The following DNAJC2 variants were observed in gnomAD, a reference collection of about 807,000 sequenced individuals.
DNAJC2 encodes the protein dnaJ homolog subfamily C member 2.
DNAJC2 carries 32 observed loss-of-function variants against 94.0 expected under a neutral mutation model. That is an observed-to-expected ratio of 0.34 (90% CI 0.26 to 0.46). The LOEUF (loss-of-function observed/expected upper bound fraction) is 0.46. Ranked by LOEUF, DNAJC2 falls within the 20% of genes least tolerant of loss-of-function variation. The pLI is 1.00. For missense variants in DNAJC2, 550 were observed against 719.5 expected, an observed-to-expected ratio of 0.76 and a Z score of 2.69; for synonymous variants, 210 against 229.7, an observed-to-expected ratio of 0.91 and a Z score of 0.77.
At chr7:103,342,360 C>T (rs1819404639) in intron 1 of DNAJC2, among the ~76,000 whole-genome samples, 1 of 151,144 alleles carries the variant, frequency 6.6e-6, no homozygotes. Context: ...GGCTGGAATG[C>T]AATGGCGAGA....
chr7:103,330,362 ACTGTAGT>A, intron 3 of DNAJC2, among the ~76,000 whole-genome samples: 1 of 151,692 alleles, frequency 6.6e-6, no homozygotes, highest in Non-Finnish European at 1.5e-5. Context: ...ATCTCAGCTC[ACTGTAGT>A]CTTAACCTCC....
At position 103,344,642 on chromosome 7, in the gene DNAJC2, C is replaced by G. The variant is rs779559655; in HGVS notation, c.-20G>C. On this transcript the variant is annotated 5_prime_UTR_variant, in exon 1 of 17. Transcript: ENST00000379263. ...CAGCATGATGGCGCCGGGTCTAGCC[C>G]GGTGGGCGCAGCGGCTCACGTCCCG... 16 of 1,605,716 alleles carry G rather than the reference C, an allele frequency of 1.0e-5. No homozygotes were observed. Among genetic ancestry groups the G allele is most frequent in the Non-Finnish European group, 1.4e-5 (16 of 1,179,536 alleles).
At chr7:103,315,731 A>G in intron 15 of DNAJC2, 33 bp downstream of exon 15, 1 of 1,419,276 alleles carries the variant, frequency 7.0e-7, no homozygotes, top group Non-Finnish European at 1.0e-6. Context: ...ATACATGGCT[A>G]GCATTTTCTA....
At chr7:103,339,576 C>T (rs942270503) in intron 2 of DNAJC2, among the ~76,000 whole-genome samples, 4 of 151,978 alleles carry the variant, frequency 2.6e-5, no homozygotes, top group Admixed American at 6.6e-5. Flanking sequence ...ATGAGGACAC[C>T]GAAACTTTTA....
intron 7 of DNAJC2, among the ~76,000 whole-genome samples, chr7:103,323,362 ACTGAGCTAT>A (rs1165495072): frequency 6.6e-6 from 1 of 152,230 alleles, no homozygotes; most frequent in East Asian, 1.9e-4. Context: ...ATTTTGCTGA[ACTGAGCTAT>A]CTGACATTAT....
chr7:103,313,350 C>CTGTT (rs1817866100), intron 15 of DNAJC2: 1 of 1,166,170 alleles, frequency 8.6e-7, no homozygotes, highest in African/African-American at 1.6e-5. Flanking sequence ...CTACCTTGTA[C>CTGTT]TGTTTATCTC....
chr7:103,320,257 T>C (rs1165146708), intron 10 of DNAJC2, among the ~76,000 whole-genome samples: 2 of 151,780 alleles, frequency 1.3e-5, no homozygotes, highest in African/African-American at 4.8e-5. Flanking sequence ...CCTGGCTAAT[T>C]TTTTCTATAT....
intron 3 of DNAJC2, among the ~76,000 whole-genome samples, chr7:103,330,331 G>A (rs1818914852): frequency 6.6e-6 from 1 of 151,910 alleles, no homozygotes; most frequent in African/African-American, 2.4e-5. Flanking sequence ...TGTTGCTCAG[G>A]CTGGAGCACA....
Position 103,319,365 on chromosome 7 carries a change from A to G in DNAJC2, c.1242+244T>C, listed in dbSNP as rs530381988. On this transcript the variant is annotated intron_variant, in intron 12 of 16. Coordinates refer to ENST00000379263, the MANE Select transcript of DNAJC2 (RefSeq NM_014377.3). ...GGCAGGAGAATCACTTGAACCCGGG[A>G]GGCGGAGGTTGTAGTGAGCCAAGAT... Among the ~76,000 whole-genome samples the G allele has an allele frequency of 4.6e-5, 7 of 151,996 alleles. 1 individual carries two copies. The South Asian group carries it at 1.5e-3, about 32-fold the overall frequency.
chr7:103,313,656 G>A, intron 15 of DNAJC2: 1 of 985,420 alleles, frequency 1.0e-6, no homozygotes, highest in Non-Finnish European at 1.2e-6. Context: ...GTAGTGTGGT[G>A]TTCTCTTCGT....
At chr7:103,332,624 CT>C (rs141891416) in intron 3 of DNAJC2, among the ~76,000 whole-genome samples, 92 of 146,842 alleles carry the variant, frequency 6.3e-4, no homozygotes, top group Non-Finnish European at 8.5e-4. Context: ...GTTTTTCATC[CT>C]TTTTTTTTTG....
chr7:103,343,060 C>A (rs1004824313), intron 1 of DNAJC2, among the ~76,000 whole-genome samples: 2 of 151,918 alleles, frequency 1.3e-5, no homozygotes. Flanking sequence ...AGTGCAATAG[C>A]GCAATCTCGG....
chr7:103,321,898 TA>T, intron 10 of DNAJC2, 33 bp downstream of exon 10: 1 of 1,569,950 alleles, frequency 6.4e-7, no homozygotes, highest in Non-Finnish European at 8.6e-7. Context: ...CAACTTGATT[TA>T]CTTGTGCCTA....
In DNAJC2 at chr7:103,341,942, C is replaced by T. The variant is rs1819387714; in HGVS notation, c.77G>A (p.Cys26Tyr). The T allele has an allele frequency of 6.2e-7, 1 of 1,602,558 alleles. No homozygotes were observed. The highest frequency in any genetic ancestry group is 1.1e-5 in the South Asian group (1 of 88,698). ...CCATCTTCCCACAGGTTCAACTTGA[C>T]AGAGTGTAGAGGCTGTGATTGAAAG... is the stretch of plus-strand genomic sequence containing the variant. ...THALTSASTL[C>Y]QVEPVGRWFE... The change falls in exon 2 of 17, where the codon TGT becomes TAT. Residue 26 changes from cysteine (C) to tyrosine (Y), a missense_variant. Around this residue, in one of 2 missense-constraint regions of DNAJC2, gnomAD observed 279 missense variants for 416.9 expected, o/e 0.67. Transcript: ENST00000379263.
In DNAJC2 at chr7:103,314,164, T is replaced by G. The variant is rs555367681; in HGVS notation, c.1637-1063A>C. The stretch of plus-strand genomic sequence containing the variant: ...GTTCTAGGAAGTCTTTTGTTGAATT[T>G]CCTTGTATTGGTTTAAAGCCCTAAA... On this transcript the variant is annotated intron_variant, in intron 15 of 16. Coordinates refer to ENST00000379263, the MANE Select transcript of DNAJC2 (RefSeq NM_014377.3). The G allele has an allele frequency of 9.7e-5, 96 of 985,466 alleles. No individual in the cohort carries two copies. In the African/African-American group the frequency reaches 1.7e-3, roughly 17 times the overall value. The allele number at this position is 985,466 out of a possible 1,614,324, so 61.0% of individuals were successfully genotyped here.
intron 5 of DNAJC2, among the ~76,000 whole-genome samples, 200 bp downstream of exon 5, chr7:103,326,343 T>C (rs1213381831): frequency 3.3e-5 from 5 of 152,168 alleles, no homozygotes; most frequent in African/African-American, 1.2e-4. Context: ...AATGTAGAAC[T>C]TCTGTTTAGA....
In DNAJC2 at chr7:103,320,224, A is replaced by G. The variant is rs191738015; in HGVS notation, c.1084-380T>C. Among the ~76,000 whole-genome samples the G allele has an allele frequency of 3.8e-3, 570 of 151,822 alleles. 4 individuals carry two copies. The highest frequency in any genetic ancestry group is 0.014 in the African/African-American group (561 of 41,432). On this transcript the variant is annotated intron_variant, in intron 10 of 16. Coordinates refer to ENST00000379263, the MANE Select transcript of DNAJC2 (RefSeq NM_014377.3). Reference sequence around the variant, plus strand: ...CTGCCTCAGTCTCCTGAGTAGCTGGAATTACAGGCGCCTGCCACCACACCT... The same window carrying G: ...CTGCCTCAGTCTCCTGAGTAGCTGGGATTACAGGCGCCTGCCACCACACCT...
In DNAJC2 at chr7:103,327,377, T is replaced by A; in HGVS notation, c.430+279A>T. The A allele has an allele frequency of 1.6e-6, 2 of 1,241,694 alleles. 1 individual carries two copies. Among genetic ancestry groups the A allele is most frequent in the Non-Finnish European group, 2.2e-6 (2 of 927,174 alleles). 76.9% of individuals were successfully genotyped at this position (1,241,694 alleles called of 1,614,324 possible). A position where few individuals can be genotyped will look rare whatever the true frequency, so the allele number is the denominator to read the frequency against. On this transcript the variant is annotated intron_variant, in intron 4 of 16. Transcript: ENST00000379263. ...GCTTCTGATAAGAATCACCTGGGGA[T>A]CCTGTTAAAATGCAGATTTTAATCA...
intron 3 of DNAJC2, among the ~76,000 whole-genome samples, chr7:103,331,930 T>C (rs1472317025): frequency 3.3e-5 from 5 of 152,202 alleles, no homozygotes; most frequent in Non-Finnish European, 7.3e-5. Context: ...GAAATCTCCA[T>C]ACTAATTTGC....
Sources: gnomAD v4.1 joint callset for allele counts (sites outside exome capture counted in the v4.1 genomes callset) on GRCh38, gnomAD v4.1.1 for gene constraint, gnomAD v4.1.1 regional missense constraint, MANE v1.5 for transcripts, NCBI Gene and HGNC (gene_info 2026-07-23, HGNC 2026-07-21) for gene names.